Variants in DGKB observed in about 807,000 individuals in gnomAD.
DGKB encodes 90 kDa diacylglycerol kinase.
A neutral mutation model predicts 114.3 loss-of-function variants in DGKB; 67 were observed. The observed-to-expected ratio is 0.59, with a 90% CI of 0.48 to 0.72. The LOEUF (loss-of-function observed/expected upper bound fraction) is 0.72. Among genes scored for constraint, DGKB ranks in the 30% least tolerant of loss-of-function variants. The pLI, the probability that DGKB is intolerant of heterozygous loss-of-function variation, is 0.00. For missense variants in DGKB, 907 were observed against 975.2 expected (o/e 0.93, Z 0.93); for synonymous variants, 398 against 323.1 (o/e 1.23, Z -2.49).
At chr7:14,444,379 T>C (rs1830461712) in intron 21 of DGKB, among the ~76,000 whole-genome samples, 1 of 151,790 alleles carries the variant, frequency 6.6e-6, no homozygotes, top group African/African-American at 2.4e-5. Context: ...CTTAATATTA[T>C]AGCAATATCC....
intron 15 of DGKB, among the ~76,000 whole-genome samples, chr7:14,618,396 C>G (rs546742774): frequency 6.6e-6 from 1 of 151,446 alleles, no homozygotes; most frequent in Non-Finnish European, 1.5e-5. Flanking sequence ...AAACTAGATT[C>G]GTTACTTCTT....
At chr7:14,272,428 T>C (rs1186734963) in intron 23 of DGKB, among the ~76,000 whole-genome samples, 1 of 152,190 alleles carries the variant, frequency 6.6e-6, no homozygotes, top group Non-Finnish European at 1.5e-5. Context: ...GAAATGCATT[T>C]TATAAATCTT....
intron 2 of DGKB, among the ~76,000 whole-genome samples, chr7:14,805,613 C>G (rs1167799860): frequency 1.3e-5 from 2 of 151,900 alleles, no homozygotes; most frequent in Non-Finnish European, 2.9e-5. Context: ...ACATATATTA[C>G]TTTTTATTCC....
chr7:14,844,775 A>G (rs1042326568), intron 1 of DGKB, among the ~76,000 whole-genome samples: 3 of 152,140 alleles, frequency 2.0e-5, no homozygotes, highest in Admixed American at 6.5e-5. Flanking sequence ...AATTATCTTA[A>G]TTATATCTTT....
chr7:14,460,464 G>C (rs1196505638), intron 21 of DGKB, among the ~76,000 whole-genome samples: 2 of 151,552 alleles, frequency 1.3e-5, no homozygotes, highest in Non-Finnish European at 2.9e-5. Flanking sequence ...CCTAGTCTCT[G>C]ATAAAACAGA....
intron 23 of DGKB, among the ~76,000 whole-genome samples, chr7:14,185,133 C>G (rs986430876): frequency 6.6e-6 from 1 of 152,152 alleles, no homozygotes; most frequent in Non-Finnish European, 1.5e-5. Flanking sequence ...ACCCTAAGGA[C>G]TCCTCCAGAA....
At chr7:14,936,375 G>A (rs528403751) in intron 1 of DGKB, among the ~76,000 whole-genome samples, 1 of 152,202 alleles carries the variant, frequency 6.6e-6, no homozygotes, top group African/African-American at 2.4e-5. Context: ...AACATGGGAG[G>A]TACATAATTT....
intron 6 of DGKB, among the ~76,000 whole-genome samples, chr7:14,709,207 A>G (rs1316962418): frequency 2.0e-5 from 3 of 152,234 alleles, no homozygotes; most frequent in Non-Finnish European, 2.9e-5. Flanking sequence ...CAACAGGCAC[A>G]TGAAAAAATG....
At chr7:14,768,857 G>A (rs1836851160) in intron 2 of DGKB, among the ~76,000 whole-genome samples, 1 of 151,772 alleles carries the variant, frequency 6.6e-6, no homozygotes, top group African/African-American at 2.4e-5. Flanking sequence ...TGTACAAAAT[G>A]GCACCTTTCA....
chr7:14,162,649 G>GT (rs1279090943), intron 25 of DGKB, among the ~76,000 whole-genome samples: 1 of 152,138 alleles, frequency 6.6e-6, no homozygotes, highest in African/African-American at 2.4e-5. Context: ...ATTAATTCAG[G>GT]TTTCAAAATA....
intron 25 of DGKB, among the ~76,000 whole-genome samples, chr7:14,157,925 T>G (rs1406651880): frequency 6.6e-6 from 1 of 152,222 alleles, no homozygotes; most frequent in African/African-American, 2.4e-5. Context: ...TTGACTTTTC[T>G]TACTGAGTAA....
At chr7:14,391,499 C>T (rs1013918649) in intron 21 of DGKB, among the ~76,000 whole-genome samples, 14 of 146,508 alleles carry the variant, frequency 9.6e-5, no homozygotes, top group African/African-American at 3.6e-4. Flanking sequence ...GCAACATGGC[C>T]GGTCTACAAA....
intron 24 of DGKB, among the ~76,000 whole-genome samples, chr7:14,177,618 AG>A (rs1275915455): frequency 6.6e-6 from 1 of 151,438 alleles, no homozygotes; most frequent in African/African-American, 2.4e-5. Flanking sequence ...TGCTTGAAAA[AG>A]TTAAAATTTA....
intron 23 of DGKB, among the ~76,000 whole-genome samples, chr7:14,291,003 G>A (rs1297916202): frequency 2.0e-5 from 3 of 151,508 alleles, no homozygotes; most frequent in African/African-American, 7.3e-5. Context: ...TTAGCCAGGT[G>A]TGGTGGCACA....
In DGKB at chr7:14,331,749, T is replaced by A. The variant is rs144176236; in HGVS notation, c.2122+6766A>T. On this transcript the variant is annotated intron_variant, in intron 23 of 25. Coordinates refer to ENST00000402815, the MANE Select transcript of DGKB (RefSeq NM_001350709.2). The stretch of plus-strand genomic sequence containing the variant: ...CTTCAGAGGCAAAAGAAATTTAAGT[T>A]TTGCCAAGCTTTCACAGACGTCAGC... 5.6e-3 allele frequency among the ~76,000 whole-genome samples: 851 copies of A among 152,256 alleles called. 9 individuals are homozygous for A. The highest frequency in any genetic ancestry group is 0.02 in the African/African-American group (815 of 41,544).
At chr7:14,496,214 G>T (rs921855413) in intron 20 of DGKB, among the ~76,000 whole-genome samples, 2 of 151,694 alleles carry the variant, frequency 1.3e-5, no homozygotes, top group African/African-American at 2.4e-5. Context: ...ATTTGTTTTT[G>T]AATTTCAAAT....
chr7:14,695,288 T>C (rs376554947), intron 8 of DGKB, among the ~76,000 whole-genome samples: 6 of 152,050 alleles, frequency 3.9e-5, no homozygotes, highest in African/African-American at 1.2e-4. Context: ...TTGTTTCAGA[T>C]GGGTGATGCT....
rs181798453 is a variant in DGKB, at chr7:14,404,374, T to C, written c.1836-58983A>G. 1.5e-3 allele frequency among the ~76,000 whole-genome samples: 227 copies of C among 151,952 alleles called. 1 individual carries two copies. The highest frequency in any genetic ancestry group is 2.6e-3 in the Non-Finnish European group (177 of 67,912). On this transcript the variant is annotated intron_variant, in intron 21 of 25. Coordinates refer to ENST00000402815, the MANE Select transcript of DGKB (RefSeq NM_001350709.2). ...ATATTATGCTGTTACATACACACCT[T>C]TCCAACTCTCGTGGGAGTCAAATGC... is the stretch of plus-strand genomic sequence containing the variant.
chr7:14,726,376 G>A (rs1218537007), intron 5 of DGKB, among the ~76,000 whole-genome samples: 1 of 151,908 alleles, frequency 6.6e-6, no homozygotes, highest in African/African-American at 2.4e-5. Context: ...CTGACCTCAG[G>A]TGATCCATGG....
Sources: allele counts gnomAD v4.1 joint callset (sites outside exome capture counted in the v4.1 genomes callset), GRCh38; gene constraint gnomAD v4.1.1; transcripts MANE v1.5; gene names NCBI Gene and HGNC (gene_info 2026-07-23, HGNC 2026-07-21).